WNK1: variants seen among roughly 807,000 people sequenced by gnomAD.
WNK1 encodes the protein serine/threonine-protein kinase WNK1.
A neutral mutation model predicts 222.8 loss-of-function variants in WNK1; 38 were observed. The ratio of observed to expected loss-of-function variants is 0.17; its 90% CI spans 0.13 to 0.22. The LOEUF (loss-of-function observed/expected upper bound fraction) is 0.22. Ranked by LOEUF, WNK1 falls within the 10% of genes least tolerant of loss-of-function variation. The pLI is 1.00. For missense variants in WNK1, 2,348 were observed against 2,918.4 expected (o/e 0.80, Z 4.50); for synonymous variants, 1,090 against 1,092.9 (o/e 1.00, Z 0.05).
intron 2 of WNK1, among the ~76,000 whole-genome samples, chr12:815,833 A>G (rs563239753): frequency 6.6e-5 from 10 of 152,350 alleles, no homozygotes; most frequent in African/African-American, 2.4e-4. Context: ...ATAGTGGGGT[A>G]ATAAGCCCCT....
intron 17 of WNK1, 133 bp from the exon 18 acceptor site, chr12:883,988 A>G: frequency 6.7e-7 from 1 of 1,499,752 alleles, no homozygotes; most frequent in Non-Finnish European, 9.2e-7. Flanking sequence ...AGATCGCGCC[A>G]CTGCACTCCA....
rs934253866 is a variant in WNK1, at chr12:904,550, G to C, written c.6644-3297G>C. On this transcript the variant is annotated intron_variant, in intron 26 of 27. Transcript: ENST00000315939. ...TGATTGCAAAGCCTGTTAACCATGA[G>C]TTCTTTCAACTCTGCAGTCTCATAG... 18 of 1,226,694 alleles carry C rather than the reference G, an allele frequency of 1.5e-5. No individual in the cohort carries two copies. In the African/African-American group the frequency reaches 2.8e-4, roughly 19 times the overall value. The allele number at this position is 1,226,694 out of a possible 1,614,324, so 76.0% of individuals were successfully genotyped here.
chr12:845,398 A>G (rs1480689304), intron 4 of WNK1, among the ~76,000 whole-genome samples: 1 of 152,178 alleles, frequency 6.6e-6, no homozygotes, highest in Non-Finnish European at 1.5e-5. Flanking sequence ...TCTGGTTTTC[A>G]TCCCAGGTCT....
intron 21 of WNK1, among the ~76,000 whole-genome samples, chr12:890,105 ACCACAC>A (rs1278107460): frequency 6.6e-6 from 1 of 151,906 alleles, no homozygotes; most frequent in Non-Finnish European, 1.5e-5. Context: ...GGTGCCCGCC[ACCACAC>A]CCGGCTAATT....
At chr12:846,242 T>C (rs1591985196) in intron 4 of WNK1, among the ~76,000 whole-genome samples, 3 of 152,188 alleles carry the variant, frequency 2.0e-5, no homozygotes, top group South Asian at 2.1e-4. Context: ...GAAAAACTTA[T>C]TAATTGTATG....
At chr12:838,091 G>GTGTC (rs1949341795) in intron 4 of WNK1, among the ~76,000 whole-genome samples, 1 of 151,660 alleles carries the variant, frequency 6.6e-6, no homozygotes, top group African/African-American at 2.4e-5. Context: ...GTGTGTGTGT[G>GTGTC]TGTGTGTGTG....
At chr12:824,757 CAAAT>C (rs1339420047) in intron 2 of WNK1, among the ~76,000 whole-genome samples, 2 of 151,864 alleles carry the variant, frequency 1.3e-5, no homozygotes, top group African/African-American at 2.4e-5. Context: ...GGACTAACGA[CAAAT>C]AAAATTTCCA....
chr12:863,507 C>T (rs1176845118), intron 8 of WNK1, among the ~76,000 whole-genome samples: 4 of 151,792 alleles, frequency 2.6e-5, no homozygotes, highest in Admixed American at 2.0e-4. Context: ...TCAGTTTCTA[C>T]CTTTAATTGT....
At chr12:762,951 G>T (rs928886797) in intron 1 of WNK1, among the ~76,000 whole-genome samples, 1 of 146,346 alleles carries the variant, frequency 6.8e-6, no homozygotes, top group Non-Finnish European at 1.5e-5. Flanking sequence ...TCTCCATGTT[G>T]GTCAGGCTGG....
rs778456158 is a variant in WNK1, at chr12:908,824, G to T, written c.*32G>T. Reference sequence around the variant, plus strand: ...AGACATTAACTGAATAGATCTGGGGGCAGGAGATGGAATGCTGAGGGGGTG... The same window carrying T: ...AGACATTAACTGAATAGATCTGGGGTCAGGAGATGGAATGCTGAGGGGGTG... On this transcript the variant is annotated 3_prime_UTR_variant, in exon 28 of 28. Coordinates refer to ENST00000315939, the MANE Select transcript of WNK1 (RefSeq NM_018979.4). 8.1e-7 allele frequency: 1 copy of T among 1,227,086 alleles called. No individual in the cohort carries two copies. Among genetic ancestry groups the T allele is most frequent in the Non-Finnish European group, 1.1e-6 (1 of 892,446 alleles). The allele number at this position is 1,227,086 out of a possible 1,614,324, so 76.0% of individuals were successfully genotyped here.
intron 4 of WNK1, among the ~76,000 whole-genome samples, chr12:850,011 A>C (rs1289886663): frequency 7.2e-5 from 11 of 152,238 alleles, no homozygotes; most frequent in Non-Finnish European, 1.6e-4. Context: ...TATTGTGAAT[A>C]CTGCCACAAT....
intron 2 of WNK1, among the ~76,000 whole-genome samples, chr12:822,619 C>T (rs1021256436): frequency 5.3e-5 from 8 of 152,176 alleles, no homozygotes; most frequent in African/African-American, 1.7e-4. Flanking sequence ...ACCAACTTAG[C>T]TTTAATACAG....
Position 859,300 on chromosome 12 carries a change from C to T in WNK1, c.1456C>T (p.Arg486Trp), listed in dbSNP as rs147477828. 1.2e-6 allele frequency: 2 copies of T among 1,613,276 alleles called. No individual in the cohort carries two copies. The highest frequency in any genetic ancestry group is 1.7e-6 in the Non-Finnish European group (2 of 1,179,762). Residue 486 changes from arginine (R) to tryptophan (W), a missense_variant, in exon 6 of 28, where the codon CGG (arginine) becomes TGG (tryptophan). Physicochemically the swap from Arg to Trp is moderately radical, Grantham distance 101. Around this residue, in one of 13 missense-constraint regions of WNK1, gnomAD observed 37 missense variants for 102.8 expected, o/e 0.36. Coordinates refer to ENST00000315939, the MANE Select transcript of WNK1 (RefSeq NM_018979.4). ...HAFFQEETGV[R>W]VELAEEDDGE... Reference sequence around the variant, plus strand: ...CTTCTTCCAAGAGGAAACAGGAGTACGGGTAGAATTAGCAGAAGAAGATGA... The same window carrying T: ...CTTCTTCCAAGAGGAAACAGGAGTATGGGTAGAATTAGCAGAAGAAGATGA...
At chr12:754,427 C>G in intron 1 of WNK1, 103 bp downstream of exon 1, 1 of 1,496,254 alleles carries the variant, frequency 6.7e-7, no homozygotes, top group Non-Finnish European at 9.3e-7. Context: ...CTCTGTTGGA[C>G]TCCGAGTGGG....
chr12:890,074 T>A (rs1954068712), intron 21 of WNK1, among the ~76,000 whole-genome samples: 1 of 149,298 alleles, frequency 6.7e-6, no homozygotes, highest in African/African-American at 2.5e-5. Flanking sequence ...TACCTCAGCC[T>A]CCCGAGTAGC....
At chr12:759,012 A>C (rs1470785909) in intron 1 of WNK1, among the ~76,000 whole-genome samples, 2 of 146,790 alleles carry the variant, frequency 1.4e-5, no homozygotes, top group Non-Finnish European at 3.0e-5. Context: ...AGAATTTCAA[A>C]AAATAAAAAA....
rs1300811119 is a variant in WNK1 at position 900,590 on chromosome 12, C to T, written c.6563C>T (p.Ser2188Phe). The part of the protein sequence containing the change: ...QNQLLQPLKP[S>F]PSSDNLYSAF... ...CAGCTGTTACAGCCCCTTAAGCCAT[C>T]TCCCTCCAGTGACAACCTCTATTCA... The change falls in exon 26 of 28, where the codon TCT (serine) becomes TTT (phenylalanine). Residue 2188 changes from serine (S) to phenylalanine (F), a missense_variant. Ser to Phe is a radical substitution (Grantham distance 155). Transcript: ENST00000315939. 6.2e-7 allele frequency: 1 copy of T among 1,614,244 alleles called. No homozygotes were observed. Among genetic ancestry groups the T allele is most frequent in the Admixed American group, 1.7e-5 (1 of 60,034 alleles).
intron 21 of WNK1, among the ~76,000 whole-genome samples, chr12:890,102 G>A (rs867001457): frequency 1.3e-5 from 2 of 151,486 alleles, no homozygotes; most frequent in African/African-American, 4.9e-5. Flanking sequence ...ACAGGTGCCC[G>A]CCACCACACC....
intron 1 of WNK1, among the ~76,000 whole-genome samples, chr12:795,831 C>A (rs1290487262): frequency 3.3e-5 from 5 of 151,956 alleles, no homozygotes; most frequent in Admixed American, 2.0e-4. Context: ...AATTTTTATG[C>A]TTTGGGGGTC....
Sources: allele counts gnomAD v4.1 joint callset (sites outside exome capture counted in the v4.1 genomes callset), GRCh38; gene constraint gnomAD v4.1.1; regional missense constraint gnomAD v4.1.1; transcripts MANE v1.5; gene names NCBI Gene and HGNC (gene_info 2026-07-23, HGNC 2026-07-21).